Variants in PTPRM observed in about 807,000 individuals in gnomAD.
PTPRM encodes the protein protein tyrosine phosphatase receptor type M, also known as receptor-type tyrosine-protein phosphatase mu.
Under a neutral mutation model 186.7 loss-of-function variants are expected in PTPRM, and 47 were observed. That is an observed-to-expected ratio of 0.25 (90% confidence interval 0.20 to 0.32). PTPRM has a LOEUF of 0.32. PTPRM is among the 10% of genes least tolerant of loss of function. PTPRM has a pLI of 1.00. For synonymous variants in PTPRM, 668 were observed against 674.9 expected (o/e 0.99, Z 0.16); for missense variants, 1,494 against 1,865.0 (o/e 0.80, Z 3.66).
intron 2 of PTPRM, among the ~76,000 whole-genome samples, chr18:7,884,949 A>AAG (rs2048705160): frequency 1.3e-5 from 2 of 150,092 alleles, no homozygotes; most frequent in African/African-American, 4.9e-5. Flanking sequence ...AAAAAAAAAA[A>AAG]AAGGAGAGAG....
intron 23 of PTPRM, among the ~76,000 whole-genome samples, chr18:8,359,705 C>T (rs374792579): frequency 6.6e-6 from 1 of 152,182 alleles, no homozygotes; most frequent in African/African-American, 2.4e-5. Context: ...ACAGCCTGAG[C>T]GGTTTTACAG....
intron 1 of PTPRM, among the ~76,000 whole-genome samples, chr18:7,674,491 A>G (rs1014637175): frequency 6.6e-6 from 1 of 152,132 alleles, no homozygotes; most frequent in Non-Finnish European, 1.5e-5. Flanking sequence ...ATGGGCAGGC[A>G]CTGAGAGGAG....
chr18:7,973,467 G>A (rs528262955), intron 7 of PTPRM, among the ~76,000 whole-genome samples: 5 of 151,906 alleles, frequency 3.3e-5, no homozygotes, highest in Admixed American at 6.6e-5. Context: ...GTTTTAATTC[G>A]CATTTCCTCT....
intron 2 of PTPRM, among the ~76,000 whole-genome samples, chr18:7,850,191 C>T (rs2046796885): frequency 6.6e-6 from 1 of 152,088 alleles, no homozygotes; most frequent in Admixed American, 6.5e-5. Flanking sequence ...AATTTTGTCC[C>T]AAGGTGTATT....
intron 4 of PTPRM, among the ~76,000 whole-genome samples, chr18:7,911,444 G>A (rs2050258661): frequency 6.6e-6 from 1 of 152,152 alleles, no homozygotes; most frequent in Non-Finnish European, 1.5e-5. Context: ...TGGGTTTCAG[G>A]TGGCACCTGT....
intron 7 of PTPRM, among the ~76,000 whole-genome samples, chr18:8,057,506 G>A (rs1270546882): frequency 7.4e-6 from 1 of 134,502 alleles, no homozygotes; most frequent in Non-Finnish European, 1.5e-5. Flanking sequence ...ACATTGTGCA[G>A]GTTAGTTACA....
intron 11 of PTPRM, among the ~76,000 whole-genome samples, chr18:8,105,948 C>T (rs1029548143): frequency 2.6e-5 from 4 of 152,128 alleles, no homozygotes; most frequent in Admixed American, 2.6e-4. Flanking sequence ...TCCAAGTTTG[C>T]CTGACAGTGA....
chr18:7,803,083 G>A (rs1166601442), intron 2 of PTPRM, among the ~76,000 whole-genome samples: 3 of 152,108 alleles, frequency 2.0e-5, no homozygotes, highest in Non-Finnish European at 4.4e-5. Flanking sequence ...TATGGTGGGA[G>A]GATGGGGAAA....
At chr18:7,592,216 C>T (rs554276396) in intron 1 of PTPRM, among the ~76,000 whole-genome samples, 2 of 152,064 alleles carry the variant, frequency 1.3e-5, no homozygotes, top group South Asian at 2.1e-4. Context: ...TTAAGAGCCA[C>T]CTGAAAAAAT....
chr18:7,846,031 T>TAG (rs572536736), intron 2 of PTPRM, among the ~76,000 whole-genome samples: 56 of 152,298 alleles, frequency 3.7e-4, no homozygotes, highest in African/African-American at 1.3e-3. Flanking sequence ...ATTGAGTCTT[T>TAG]AGACCCCAGT....
In PTPRM at chr18:8,394,623, C is replaced by A. The variant is rs374824565; in HGVS notation, c.4344+12C>A. On this transcript the variant is annotated intron_variant, in intron 32 of 32. Transcript: ENST00000580170. ...TGGTCGACCTCCTGGTAGGACACCC[C>A]CTCTGAGCTGTTCCATGAGACACCC... 4 of 1,601,210 alleles carry A rather than the reference C, an allele frequency of 2.5e-6. No individual in the cohort carries two copies. Among genetic ancestry groups the A allele is most frequent in the African/African-American group, 1.3e-5 (1 of 74,468 alleles).
chr18:8,379,401 G>A (rs2095717204), intron 28 of PTPRM, 61 bp downstream of exon 28: 1 of 1,463,034 alleles, frequency 6.8e-7, no homozygotes, highest in African/African-American at 1.4e-5. Flanking sequence ...CTGCAGAACA[G>A]GCTTGGGTCT....
chr18:8,387,287 C>T lies in PTPRM; in HGVS notation c.4208+52C>T, dbSNP rs746693674. On this transcript the variant is annotated intron_variant, in intron 31 of 32. Transcript: ENST00000580170. ...TCAGAACAGCGAGGCCCCACACTCA[C>T]TCTCACCTCCTAGTTCTCTGACTTT... 18 of 1,523,866 alleles carry T rather than the reference C, an allele frequency of 1.2e-5. No individual in the cohort carries two copies. In the East Asian group the frequency reaches 4.1e-4, roughly 35 times the overall value. The allele number at this position is 1,523,866 out of a possible 1,614,324, so 94.4% of individuals were successfully genotyped here.
At chr18:8,218,554 G>A (rs565221113) in intron 14 of PTPRM, among the ~76,000 whole-genome samples, 2 of 152,276 alleles carry the variant, frequency 1.3e-5, no homozygotes, top group East Asian at 3.9e-4. Flanking sequence ...TCTGTAGGTG[G>A]TTTTGAATAA....
intron 22 of PTPRM, 90 bp downstream of exon 22, chr18:8,319,304 A>C: frequency 1.1e-6 from 1 of 929,486 alleles, no homozygotes; most frequent in Non-Finnish European, 1.7e-6. Flanking sequence ...TCAGGAAGAT[A>C]TTGCACATTT....
At chr18:7,793,533 G>C (rs1028277803) in intron 2 of PTPRM, among the ~76,000 whole-genome samples, 1 of 152,070 alleles carries the variant, frequency 6.6e-6, no homozygotes, top group Non-Finnish European at 1.5e-5. Flanking sequence ...TTCCACTGTA[G>C]CAAAGCAGTT....
intron 2 of PTPRM, among the ~76,000 whole-genome samples, chr18:7,831,836 G>T (rs759274971): frequency 6.6e-6 from 1 of 151,994 alleles, no homozygotes; most frequent in Non-Finnish European, 1.5e-5. Context: ...GAGTTCAATT[G>T]TTTTGATTTT....
intron 1 of PTPRM, among the ~76,000 whole-genome samples, chr18:7,728,317 C>T (rs1323419786): frequency 6.6e-6 from 1 of 152,120 alleles, no homozygotes; most frequent in Non-Finnish European, 1.5e-5. Context: ...CACATGGACA[C>T]ATTGAAGGGT....
chr18:7,873,691 G>C (rs2048088647), intron 2 of PTPRM, among the ~76,000 whole-genome samples: 1 of 152,156 alleles, frequency 6.6e-6, no homozygotes, highest in Non-Finnish European at 1.5e-5. Context: ...TTTTGGGCTG[G>C]AAGCTGCTTT....
Sources: gnomAD v4.1 joint callset for allele counts (sites outside exome capture counted in the v4.1 genomes callset) on GRCh38, gnomAD v4.1.1 for gene constraint, MANE v1.5 for transcripts, NCBI Gene and HGNC (gene_info 2026-07-23, HGNC 2026-07-21) for gene names.